Variants in ALOX5 observed in about 807,000 individuals in gnomAD.
The protein encoded by ALOX5 is arachidonate 5-lipoxygenase, also known as polyunsaturated fatty acid 5-lipoxygenase.
ALOX5 carries 64 observed loss-of-function variants against 87.9 expected under a neutral mutation model. That is an observed-to-expected ratio of 0.73 (90% CI 0.60 to 0.90). The LOEUF (loss-of-function observed/expected upper bound fraction) is 0.90, where lower values mean the gene tolerates loss of function less well. Ranked by LOEUF, ALOX5 falls within the 40% of genes least tolerant of loss-of-function variation. The probability of loss-of-function intolerance (pLI) is 0.00; values close to 1 mark genes in which losing one functional copy is unlikely to be tolerated. For synonymous variants in ALOX5, 388 were observed against 355.1 expected (o/e 1.09, Z -1.04); for missense variants, 822 against 907.5 (o/e 0.91, Z 1.21).
chr10:45,381,043 C>A (rs1839809070), intron 1 of ALOX5, among the ~76,000 whole-genome samples: 1 of 152,270 alleles, frequency 6.6e-6, no homozygotes, highest in Non-Finnish European at 1.5e-5. Context: ...CTCATCCCAA[C>A]TTCCTGTCTG....
chr10:45,433,009 A>G (rs1841957384), intron 7 of ALOX5, among the ~76,000 whole-genome samples: 1 of 152,264 alleles, frequency 6.6e-6, no homozygotes, highest in East Asian at 1.9e-4. Flanking sequence ...TGAATAGGCA[A>G]TTCACAAAAG....
chr10:45,383,360 G>A (rs1313702020), intron 2 of ALOX5, among the ~76,000 whole-genome samples: 1 of 152,248 alleles, frequency 6.6e-6, no homozygotes, highest in Non-Finnish European at 1.5e-5. Context: ...ACGGACGCAG[G>A]CGTCAAGGTC....
chr10:45,403,962 A>C (rs1451113177), intron 3 of ALOX5, among the ~76,000 whole-genome samples: 2 of 152,222 alleles, frequency 1.3e-5, no homozygotes, highest in East Asian at 3.8e-4. Flanking sequence ...GGGTTAAGAT[A>C]AAATGCCCAT....
intron 3 of ALOX5, among the ~76,000 whole-genome samples, chr10:45,401,870 A>C (rs1840709214): frequency 6.6e-6 from 1 of 152,312 alleles, no homozygotes; most frequent in South Asian, 2.1e-4. Context: ...GTGGATCACC[A>C]GGTCAGGAGA....
At chr10:45,396,066 C>G in intron 3 of ALOX5, 130 bp downstream of exon 3, 1 of 825,220 alleles carries the variant, frequency 1.2e-6, no homozygotes, top group South Asian at 1.7e-5. Flanking sequence ...GCACCAGCTC[C>G]CAGTGTGGGT....
At chr10:45,438,848 G>A (rs575207004) in intron 7 of ALOX5, among the ~76,000 whole-genome samples, 8 of 152,316 alleles carry the variant, frequency 5.3e-5, no homozygotes, top group Non-Finnish European at 1.2e-4. Flanking sequence ...AGACAGGCAC[G>A]CCTAATGTGC....
Position 45,395,848 on chromosome 10 carries a change from TTTACAGCAAAGTTGGCC to T in ALOX5, c.350-6_360del. The T allele has an allele frequency of 1.9e-6, 3 of 1,614,098 alleles. No homozygotes were observed. The highest frequency in any genetic ancestry group is 2.5e-6 in the Non-Finnish European group (3 of 1,179,932). ...CAGGCTCCTCTCATGTTGTTCTTTC[TTTACAGCAAAGTTGGCC>T]CGAGATGACCAAATTCACATTCTCA... On this transcript the variant is annotated splice_acceptor_variant and splice_polypyrimidine_tract_variant and coding_sequence_variant and intron_variant, in exon 3 of 14. Coordinates refer to ENST00000374391, the MANE Select transcript of ALOX5 (RefSeq NM_000698.5). LOFTEE classifies it high-confidence loss of function.
At chr10:45,424,815 G>A in intron 5 of ALOX5, 145 bp from the exon 6 acceptor site, 2 of 941,160 alleles carry the variant, frequency 2.1e-6, no homozygotes, top group African/African-American at 1.6e-5. Context: ...TGGGCAGGGG[G>A]CAGCAGTTGG....
In ALOX5 at chr10:45,444,057, G is replaced by GGGCA. The variant is rs1842347565; in HGVS notation, c.1675-57_1675-54dup. ...GGGCACGGGGAGGACGGGGCCCAGG[G>GGGCA]GGCAGCTGGGCAGCAGGGCTTCGGG... On this transcript the variant is annotated intron_variant, in intron 12 of 13. Transcript: ENST00000374391. 25 of 1,486,348 alleles carry GGGCA rather than the reference G, an allele frequency of 1.7e-5. No homozygotes were observed. The South Asian group carries it at 3.2e-4, about 19-fold the overall frequency. 92.1% of individuals were successfully genotyped at this position (1,486,348 alleles called of 1,614,324 possible).
intron 1 of ALOX5, among the ~76,000 whole-genome samples, chr10:45,379,254 T>C (rs867025325): frequency 1.4e-4 from 21 of 152,096 alleles, no homozygotes; most frequent in Middle Eastern, 3.4e-3. Context: ...ACCCCAGCTT[T>C]CCTGTCATCT....
At chr10:45,414,185 C>A (rs1180635775) in intron 4 of ALOX5, among the ~76,000 whole-genome samples, 2 of 152,204 alleles carry the variant, frequency 1.3e-5, no homozygotes, top group Non-Finnish European at 1.5e-5. Flanking sequence ...TGACTTCAAA[C>A]CATACTACGA....
rs375478731 is a variant in ALOX5, at chr10:45,402,693, C to G, written c.431+6757C>G. Among the ~76,000 whole-genome samples, 28 of 152,298 alleles carry G rather than the reference C, an allele frequency of 1.8e-4. No homozygotes were observed. In the South Asian group the frequency reaches 5.8e-3, roughly 32 times the overall value. ...AAGGAAAAGATTGGTAAGTTTGCCT[C>G]CCTCAAGATAAGGACACTCTGTTCA... On this transcript the variant is annotated intron_variant, in intron 3 of 13. Coordinates refer to ENST00000374391, the MANE Select transcript of ALOX5 (RefSeq NM_000698.5).
chr10:45,382,452 G>C (rs11239498), intron 1 of ALOX5, 31 bp from the exon 2 acceptor site: 6 of 1,613,126 alleles, frequency 3.7e-6, no homozygotes, highest in Non-Finnish European at 5.1e-6. Flanking sequence ...AGGAGACCAC[G>C]CATGGCCTGA....
At chr10:45,405,272 G>A (rs1276154738) in intron 3 of ALOX5, among the ~76,000 whole-genome samples, 2 of 152,092 alleles carry the variant, frequency 1.3e-5, no homozygotes, top group African/African-American at 4.8e-5. Context: ...AAATTGTATC[G>A]TAATTTGCGG....
intron 2 of ALOX5, among the ~76,000 whole-genome samples, chr10:45,385,765 G>A (rs1056248283): frequency 1.3e-5 from 2 of 152,186 alleles, no homozygotes; most frequent in African/African-American, 4.8e-5. Flanking sequence ...TACATCCCCA[G>A]GGGAGGATGC....
rs1002553226 is a variant in ALOX5 at position 45,445,868 on chromosome 10, T to C, written c.*181T>C. On this transcript the variant is annotated 3_prime_UTR_variant, in exon 14 of 14. Transcript: ENST00000374391. The stretch of plus-strand genomic sequence containing the variant: ...TAGATTGATCAAAGTGTAAACACCA[T>C]AGGGACCCATTCTACACAGAGCAGG... The C allele has an allele frequency of 4.6e-5, 31 of 676,320 alleles. No individual in the cohort carries two copies. The African/African-American group carries it at 4.7e-4, about 10-fold the overall frequency. 41.9% of individuals were successfully genotyped at this position (676,320 alleles called of 1,614,324 possible).
chr10:45,400,526 G>T (rs1178621836), intron 3 of ALOX5, among the ~76,000 whole-genome samples: 1 of 152,130 alleles, frequency 6.6e-6, no homozygotes, highest in African/African-American at 2.4e-5. Context: ...TTGAACCCGG[G>T]AGGCGGAGGT....
In ALOX5 at chr10:45,382,672, G is replaced by C. The variant is rs1346681131; in HGVS notation, c.340G>C (p.Asp114His). The stretch of plus-strand genomic sequence containing the variant: ...CGGCGATGTCGAGGTTGTCCTGAGG[G>C]ATGGACGCGGTGAGCAGCTCAGGCC... ...ITGDVEVVLR[D>H]GRAKLARDDQ... Residue 114 changes from aspartate (D) to histidine (H), a missense_variant, in exon 2 of 14, where the codon GAT (aspartate) becomes CAT (histidine). By Grantham distance (81) the Asp-to-His change is moderately conservative. Coordinates refer to ENST00000374391, the MANE Select transcript of ALOX5 (RefSeq NM_000698.5). 1 of 1,612,496 alleles carries C rather than the reference G, an allele frequency of 6.2e-7. No homozygotes were observed. The highest frequency in any genetic ancestry group is 8.5e-7 in the Non-Finnish European group (1 of 1,179,304).
At chr10:45,423,923 T>G (rs55949526) in intron 4 of ALOX5, 118 bp from the exon 5 acceptor site, 180 of 776,444 alleles carry the variant, frequency 2.3e-4, no homozygotes, top group Admixed American at 3.6e-4. Flanking sequence ...CACCTACCTC[T>G]GCAGAGCTGC....
Sources: allele counts gnomAD v4.1 joint callset (sites outside exome capture counted in the v4.1 genomes callset), GRCh38; gene constraint gnomAD v4.1.1; transcripts MANE v1.5; gene names NCBI Gene and HGNC (gene_info 2026-07-23, HGNC 2026-07-21).